Variants in RYR3 observed in about 807,000 individuals in gnomAD.
RYR3 encodes the protein ryanodine receptor 3.
A neutral mutation model predicts 584.3 loss-of-function variants in RYR3; 207 were observed. The observed-to-expected ratio is 0.35, with a 90% confidence interval of 0.32 to 0.40. The LOEUF is 0.40. Among genes scored for constraint, RYR3 ranks in the 10% least tolerant of loss-of-function variants. The probability of loss-of-function intolerance (pLI) is 1.00; values close to 1 mark genes in which losing one functional copy is unlikely to be tolerated. For missense variants in RYR3, 5,616 were observed against 6,089.2 expected, an observed-to-expected ratio of 0.92 and a Z score of 2.59; for synonymous variants, 2,416 against 2,248.5, an observed-to-expected ratio of 1.07 and a Z score of -2.11.
intron 59 of RYR3, 34 bp from the exon 60 acceptor site, chr15:33,757,441 C>T: frequency 1.3e-6 from 2 of 1,584,416 alleles, no homozygotes; most frequent in Non-Finnish European, 1.7e-6. Context: ...TTTTGGATAG[C>T]TTCCTAGAAG....
chr15:33,859,703 C>T lies in RYR3; in HGVS notation c.14271C>T (p.Val4757=). The stretch of plus-strand genomic sequence containing the variant: ...TTGACATTACCTTTTTCTTCTTCGT[C>T]ATTGTCATCTTGCTGGCCATCATTC... ...IVFDITFFFF[V]IVILLAIIQG... The change falls in exon 100 of 104, where the codon GTC becomes GTT. Residue 4757 remains valine, a synonymous_variant. Transcript: ENST00000634891. The T allele has an allele frequency of 6.2e-7, 1 of 1,611,942 alleles. No individual in the cohort carries two copies. The highest frequency in any genetic ancestry group is 8.5e-7 in the Non-Finnish European group (1 of 1,178,830).
At chr15:33,793,186 T>C (rs1158066067) in intron 67 of RYR3, among the ~76,000 whole-genome samples, 3 of 152,152 alleles carry the variant, frequency 2.0e-5, no homozygotes, top group Non-Finnish European at 4.4e-5. Context: ...AAAAGACGCA[T>C]AGGGAAATGT....
intron 65 of RYR3, among the ~76,000 whole-genome samples, chr15:33,783,547 C>G (rs1209120681): frequency 6.6e-6 from 1 of 152,216 alleles, no homozygotes; most frequent in Non-Finnish European, 1.5e-5. Flanking sequence ...TCAAGCAACT[C>G]TGTTTTTCTT....
intron 1 of RYR3, among the ~76,000 whole-genome samples, chr15:33,445,632 C>G (rs911787340): frequency 7.1e-6 from 1 of 140,268 alleles, no homozygotes; most frequent in African/African-American, 2.7e-5. Flanking sequence ...TCCCATTTTT[C>G]TACAAGAATA....
intron 67 of RYR3, among the ~76,000 whole-genome samples, chr15:33,789,666 T>A (rs1234861656): frequency 0.011 from 239 of 20,874 alleles, no homozygotes; most frequent in East Asian, 0.021. Flanking sequence ...ATATTTTTTT[T>A]TTTTTTTTTT....
chr15:33,592,310 T>C (rs2059169431), intron 16 of RYR3, among the ~76,000 whole-genome samples: 2 of 152,220 alleles, frequency 1.3e-5, no homozygotes, highest in Non-Finnish European at 2.9e-5. Flanking sequence ...CTGGGGATCA[T>C]GTTAACATGA....
intron 1 of RYR3, among the ~76,000 whole-genome samples, chr15:33,455,098 A>C (rs1173889484): frequency 6.6e-6 from 1 of 152,186 alleles, no homozygotes; most frequent in African/African-American, 2.4e-5. Context: ...GGAGAGAAGC[A>C]AAGGAAATTC....
In RYR3 at chr15:33,865,648, AAAGAT is replaced by A; in HGVS notation, c.*425_*429del. On this transcript the variant is annotated 3_prime_UTR_variant, in exon 104 of 104. Transcript: ENST00000634891. ...ACTCATAGGGTCTGAACTCACTCCA[AAAGAT>A]AATAACTGCAGTCTAATTTTTCCCA... is the stretch of plus-strand genomic sequence containing the variant. 1 of 158,520 alleles carries A rather than the reference AAAGAT, an allele frequency of 6.3e-6. No individual in the cohort carries two copies. The highest frequency in any genetic ancestry group is 1.4e-5 in the Non-Finnish European group (1 of 71,846). 9.8% of individuals were successfully genotyped at this position (158,520 alleles called of 1,614,324 possible).
At chr15:33,411,899 C>T (rs1180852826) in intron 1 of RYR3, among the ~76,000 whole-genome samples, 1 of 152,178 alleles carries the variant, frequency 6.6e-6, no homozygotes, top group African/African-American at 2.4e-5. Flanking sequence ...TCTAGCCTAT[C>T]TTTCCTGTGT....
At chr15:33,755,006 G>A in intron 57 of RYR3, 59 bp from the exon 58 acceptor site, 5 of 882,342 alleles carry the variant, frequency 5.7e-6, no homozygotes, top group Middle Eastern at 2.2e-4. Flanking sequence ...GACTGGTGGT[G>A]CACCTGAGTG....
intron 1 of RYR3, among the ~76,000 whole-genome samples, chr15:33,332,147 A>G (rs957804136): frequency 3.9e-5 from 6 of 152,252 alleles, no homozygotes; most frequent in African/African-American, 1.4e-4. Context: ...ATATCCAGAT[A>G]TAGCAATAAT....
In RYR3 at chr15:33,581,570, C is replaced by T; in HGVS notation, c.1500C>T (p.His500=). 2 of 1,613,486 alleles carry T rather than the reference C, an allele frequency of 1.2e-6. No homozygotes were observed. Among genetic ancestry groups the T allele is most frequent in the Non-Finnish European group, 1.7e-6 (2 of 1,179,416 alleles). ...DRLNVYNSVA[H]FAGIAREESG... is the part of the protein sequence containing the mutation. ...TAAATGTCTACAATAGCGTAGCACA[C>T]TTTGCAGGGATTGCAAGGGAAGAGA... is the stretch of plus-strand genomic sequence containing the variant. Residue 500 remains histidine, a synonymous_variant, in exon 14 of 104, where the codon CAC becomes CAT. Coordinates refer to ENST00000634891, the MANE Select transcript of RYR3 (RefSeq NM_001036.6).
At chr15:33,756,881 C>T (rs191058574) in intron 59 of RYR3, among the ~76,000 whole-genome samples, 5 of 151,926 alleles carry the variant, frequency 3.3e-5, no homozygotes, top group East Asian at 1.9e-4. Flanking sequence ...GTTCAGGGAC[C>T]GGGAGAAGGC....
At position 33,840,845 on chromosome 15, in the gene RYR3, A is replaced by G. The variant is rs1180194684; in HGVS notation, c.12999A>G (p.Ala4333=). ...TCTAGGCAGCAGAAATGAAAGCAGC[A>G]AATGAAGCAGAAGGAAAAGTAGAAT... ...RKAQAAEMKA[A]NEAEGKVESE... The change falls in exon 90 of 104, where the codon GCA becomes GCG. Residue 4333 remains alanine, a synonymous_variant. Transcript: ENST00000634891. 1 of 1,613,986 alleles carries G rather than the reference A, an allele frequency of 6.2e-7. No homozygotes were observed. Among genetic ancestry groups the G allele is most frequent in the East Asian group, 2.2e-5 (1 of 44,880 alleles).
At chr15:33,851,887 T>C (rs1045402007) in intron 94 of RYR3, 1 of 152,146 alleles carries the variant, frequency 6.6e-6, no homozygotes, top group Non-Finnish European at 1.5e-5. Context: ...AAAGTCAAAA[T>C]AATTGTTATT....
intron 57 of RYR3, among the ~76,000 whole-genome samples, chr15:33,752,146 T>C (rs1022925182): frequency 6.6e-6 from 1 of 152,230 alleles, no homozygotes; most frequent in Non-Finnish European, 1.5e-5. Context: ...TGTAGTATAG[T>C]TTGAAGTCAG....
intron 70 of RYR3, among the ~76,000 whole-genome samples, chr15:33,808,182 CTTAG>C (rs1364824954): frequency 1.3e-5 from 2 of 152,304 alleles, no homozygotes; most frequent in African/African-American, 2.4e-5. Context: ...ACACGCAGCT[CTTAG>C]TTAGGAAAGG....
intron 16 of RYR3, among the ~76,000 whole-genome samples, chr15:33,594,176 A>C (rs1309874493): frequency 6.6e-6 from 1 of 152,202 alleles, no homozygotes; most frequent in Non-Finnish European, 1.5e-5. Context: ...ATTTGTTCCA[A>C]GGGCTTTATT....
Position 33,865,252 on chromosome 15 carries a change from T to A in RYR3, c.*26T>A. On this transcript the variant is annotated 3_prime_UTR_variant, in exon 104 of 104. Transcript: ENST00000634891. ...ATCTGAATCAAAGAAGCGCGACAATTCTGGACAGTCAACTTCCCATGAAAT... is the reference window on the plus strand; with the variant it reads ...ATCTGAATCAAAGAAGCGCGACAATACTGGACAGTCAACTTCCCATGAAAT... 6.5e-7 allele frequency: 1 copy of A among 1,531,618 alleles called. No individual in the cohort carries two copies. Among genetic ancestry groups the A allele is most frequent in the Non-Finnish European group, 9.0e-7 (1 of 1,107,278 alleles). The allele number at this position is 1,531,618 out of a possible 1,614,324, so 94.9% of individuals were successfully genotyped here.
Sources: allele counts gnomAD v4.1 joint callset (sites outside exome capture counted in the v4.1 genomes callset), GRCh38; gene constraint gnomAD v4.1.1; transcripts MANE v1.5; gene names NCBI Gene and HGNC (gene_info 2026-07-23, HGNC 2026-07-21).